Variants in ADAMTSL1 observed in about 807,000 individuals in gnomAD.
The protein encoded by ADAMTSL1 is ADAMTS-like protein 1.
A neutral mutation model predicts 201.8 loss-of-function variants in ADAMTSL1; 126 were observed. The observed-to-expected ratio is 0.62, with a 90% CI of 0.54 to 0.72. The LOEUF is 0.72. ADAMTSL1 is among the 30% of genes least tolerant of loss of function. The probability of loss-of-function intolerance (pLI) is 0.00; values close to 1 mark genes in which losing one functional copy is unlikely to be tolerated. For missense variants in ADAMTSL1, 2,679 were observed against 2,277.8 expected, an observed-to-expected ratio of 1.18 and a Z score of -3.59; for synonymous variants, 1,121 against 903.4, an observed-to-expected ratio of 1.24 and a Z score of -4.32.
intron 26 of ADAMTSL1, among the ~76,000 whole-genome samples, 180 bp downstream of exon 26, chr9:18,892,776 C>A (rs1180569930): frequency 1.3e-5 from 2 of 152,120 alleles, no homozygotes; most frequent in Non-Finnish European, 2.9e-5. Context: ...GCTTTTAATT[C>A]TTTGTGTAAT....
intron 11 of ADAMTSL1, 106 bp from the exon 12 acceptor site, chr9:18,681,706 G>GGGGT: frequency 8.8e-6 from 5 of 569,266 alleles, no homozygotes; most frequent in African/African-American, 2.9e-5. Context: ...GTGGGGGGGG[G>GGGGT]GGGCGGGGAA....
At chr9:18,726,504 C>G (rs1011653366) in intron 15 of ADAMTSL1, among the ~76,000 whole-genome samples, 1 of 149,710 alleles carries the variant, frequency 6.7e-6, no homozygotes, top group African/African-American at 2.5e-5. Flanking sequence ...GAGTGAGACC[C>G]TGTCTCCAAA....
intron 23 of ADAMTSL1, among the ~76,000 whole-genome samples, chr9:18,834,521 T>A (rs1172448672): frequency 6.6e-6 from 1 of 152,164 alleles, no homozygotes; most frequent in Non-Finnish European, 1.5e-5. Context: ...ATATGATGTT[T>A]TGATATATGT....
At chr9:18,104,597 G>A (rs1161355566) in intron 1 of ADAMTSL1, among the ~76,000 whole-genome samples, 1 of 152,110 alleles carries the variant, frequency 6.6e-6, no homozygotes, top group Non-Finnish European at 1.5e-5. Context: ...AAGGCAGGAG[G>A]GAGGGAAGGT....
intron 1 of ADAMTSL1, among the ~76,000 whole-genome samples, chr9:18,147,785 A>G (rs1826712701): frequency 6.6e-6 from 1 of 152,138 alleles, no homozygotes; most frequent in Admixed American, 6.6e-5. Flanking sequence ...CCACATAAGT[A>G]GGCATGAAAA....
intron 3 of ADAMTSL1, among the ~76,000 whole-genome samples, chr9:18,544,116 A>G (rs549738926): frequency 7.9e-5 from 12 of 152,254 alleles, no homozygotes; most frequent in South Asian, 6.2e-4. Flanking sequence ...AGTTTCCTCA[A>G]TCTTGAAGTG....
chr9:18,623,259 T>C (rs1389232032), intron 5 of ADAMTSL1, among the ~76,000 whole-genome samples: 4 of 148,982 alleles, frequency 2.7e-5, no homozygotes, highest in African/African-American at 4.9e-5. Flanking sequence ...AAAAAAAAAG[T>C]GTACTTATTA....
Position 18,560,022 on chromosome 9 carries a change from C to T in ADAMTSL1, c.238-14008C>T, listed in dbSNP as rs190041151. 4.1e-3 allele frequency among the ~76,000 whole-genome samples: 619 copies of T among 152,180 alleles called. 2 individuals are homozygous for T. The highest frequency in any genetic ancestry group is 0.014 in the African/African-American group (588 of 41,504). ...TATTTCTTTCTCTTGCCTGATTGCC[C>T]GGGCCAGAACTTCCAATATTATGTT... On this transcript the variant is annotated intron_variant, in intron 3 of 28. Coordinates refer to ENST00000380548, the MANE Select transcript of ADAMTSL1 (RefSeq NM_001040272.6).
chr9:18,901,310 G>A (rs891064581), intron 26 of ADAMTSL1, among the ~76,000 whole-genome samples: 5 of 152,112 alleles, frequency 3.3e-5, no homozygotes, highest in South Asian at 2.1e-4. Flanking sequence ...AGTCCTTTGA[G>A]TTATAATAAA....
rs546264649 is a variant in ADAMTSL1, at chr9:18,741,862, A to G, written c.2007-11436A>G. ...TGTGTAGGGTGTTCTTCAGGTTGCT[A>G]CTTCAAGGTCAAGGTCTGATTCAAG... On this transcript the variant is annotated intron_variant, in intron 15 of 28. Coordinates refer to ENST00000380548, the MANE Select transcript of ADAMTSL1 (RefSeq NM_001040272.6). Among the ~76,000 whole-genome samples, 6 of 152,160 alleles carry G rather than the reference A, an allele frequency of 3.9e-5. No individual in the cohort carries two copies. In the South Asian group the frequency reaches 1.2e-3, roughly 32 times the overall value.
intron 1 of ADAMTSL1, among the ~76,000 whole-genome samples, chr9:18,106,737 T>C (rs1052345221): frequency 6.6e-6 from 1 of 152,232 alleles, no homozygotes; most frequent in Non-Finnish European, 1.5e-5. Flanking sequence ...AACTTACAAA[T>C]ATCTAATGCT....
At chr9:18,257,406 G>T (rs138325723) in intron 2 of ADAMTSL1, among the ~76,000 whole-genome samples, 186 of 152,182 alleles carry the variant, frequency 1.2e-3, no homozygotes, top group African/African-American at 4.3e-3. Context: ...TTCAATAAGC[G>T]CATGAAAAGA....
chr9:18,487,887 T>C (rs1822076177), intron 1 of ADAMTSL1, among the ~76,000 whole-genome samples: 1 of 152,232 alleles, frequency 6.6e-6, no homozygotes, highest in Non-Finnish European at 1.5e-5. Flanking sequence ...GTACCGTATT[T>C]CATCGATCCT....
intron 1 of ADAMTSL1, among the ~76,000 whole-genome samples, chr9:18,036,826 T>C (rs1454428940): frequency 6.6e-6 from 1 of 152,232 alleles, no homozygotes; most frequent in African/African-American, 2.4e-5. Flanking sequence ...TTCCTCTTAA[T>C]ACTCTCCCTT....
intron 1 of ADAMTSL1, among the ~76,000 whole-genome samples, chr9:18,127,793 C>T (rs1825800187): frequency 6.6e-6 from 1 of 152,058 alleles, no homozygotes; most frequent in Admixed American, 6.6e-5. Context: ...GGAAACTTGC[C>T]ATGTTTTGGA....
intron 20 of ADAMTSL1, among the ~76,000 whole-genome samples, chr9:18,803,961 A>G (rs1822953442): frequency 1.3e-5 from 2 of 152,208 alleles, no homozygotes; most frequent in African/African-American, 4.8e-5. Flanking sequence ...TATTACTAAG[A>G]AGCCTACTGT....
At chr9:18,722,252 A>G (rs1057005908) in intron 15 of ADAMTSL1, among the ~76,000 whole-genome samples, 2 of 152,142 alleles carry the variant, frequency 1.3e-5, no homozygotes, top group African/African-American at 4.8e-5. Flanking sequence ...GAATTAATCA[A>G]TCCAATCACT....
intron 21 of ADAMTSL1, among the ~76,000 whole-genome samples, chr9:18,823,849 C>T (rs895408912): frequency 1.3e-5 from 2 of 152,094 alleles, no homozygotes; most frequent in South Asian, 2.1e-4. Context: ...ATTAGCTGGG[C>T]GTGGTGGTGC....
At chr9:18,162,386 T>C (rs1827431842) in intron 1 of ADAMTSL1, among the ~76,000 whole-genome samples, 1 of 152,014 alleles carries the variant, frequency 6.6e-6, no homozygotes, top group African/African-American at 2.4e-5. Context: ...TAACCCTAAT[T>C]AGTAGTCTTA....
Sources: allele counts gnomAD v4.1 joint callset (sites outside exome capture counted in the v4.1 genomes callset), GRCh38; gene constraint gnomAD v4.1.1; transcripts MANE v1.5; gene names NCBI Gene and HGNC (gene_info 2026-07-23, HGNC 2026-07-21).